KCTD16: variants seen among roughly 807,000 people sequenced by gnomAD.
KCTD16 encodes the protein BTB/POZ domain-containing protein KCTD16.
KCTD16 carries 13 observed loss-of-function variants against 33.2 expected under a neutral mutation model. The observed-to-expected ratio is 0.39, with a 90% CI of 0.25 to 0.62. The LOEUF (loss-of-function observed/expected upper bound fraction) is 0.62. Ranked by LOEUF, KCTD16 falls within the 20% of genes least tolerant of loss-of-function variation. The pLI is 0.50. For synonymous variants in KCTD16, 197 were observed against 195.3 expected, an observed-to-expected ratio of 1.01 and a Z score of -0.07; for missense variants, 441 against 525.1, an observed-to-expected ratio of 0.84 and a Z score of 1.57.
chr5:144,285,333 A>G (rs769978741), intron 3 of KCTD16, among the ~76,000 whole-genome samples: 1 of 152,222 alleles, frequency 6.6e-6, no homozygotes, highest in Non-Finnish European at 1.5e-5. Context: ...TGCCATATAG[A>G]GTAGTTGGCA....
chr5:144,424,497 T>TAAGG (rs1248523876), intron 3 of KCTD16, among the ~76,000 whole-genome samples: 42 of 152,142 alleles, frequency 2.8e-4, no homozygotes, highest in African/African-American at 9.2e-4. Context: ...CTTAAGCAGT[T>TAAGG]TGCACTGGCT....
intron 3 of KCTD16, among the ~76,000 whole-genome samples, chr5:144,394,754 TGAA>T (rs1422649545): frequency 3.9e-5 from 6 of 152,224 alleles, no homozygotes; most frequent in Admixed American, 3.9e-4. Context: ...TGCCACCATG[TGAA>T]GAAGGTCTTT....
intron 3 of KCTD16, among the ~76,000 whole-genome samples, chr5:144,321,346 G>C (rs777705826): frequency 1.3e-5 from 2 of 152,166 alleles, no homozygotes; most frequent in Non-Finnish European, 2.9e-5. Context: ...CCATTCTGCA[G>C]CATGATATCT....
At chr5:144,299,115 TATATATATATATATATATATATATATATA>T (rs1756152250) in intron 3 of KCTD16, among the ~76,000 whole-genome samples, 1 of 16,166 alleles carries the variant, frequency 6.2e-5, no homozygotes, top group African/African-American at 6.5e-4. Context: ...TATATATATA[TATATATATATATATATATATATATATATA>T]TATATTTTTT....
chr5:144,442,450 C>CTTCT (rs138864208), intron 3 of KCTD16, among the ~76,000 whole-genome samples: 3,360 of 147,854 alleles, frequency 0.023, 68 homozygotes, highest in African/African-American at 0.053. Context: ...TCTTTTCTTT[C>CTTCT]TTCTTTCTTT....
At chr5:144,303,512 G>T (rs1751502918) in intron 3 of KCTD16, among the ~76,000 whole-genome samples, 1 of 152,140 alleles carries the variant, frequency 6.6e-6, no homozygotes, top group Non-Finnish European at 1.5e-5. Context: ...AATGACCAAA[G>T]GTTCAGTCTC....
At chr5:144,190,720 T>A (rs1037777127) in intron 2 of KCTD16, among the ~76,000 whole-genome samples, 1 of 152,198 alleles carries the variant, frequency 6.6e-6, no homozygotes, top group African/African-American at 2.4e-5. Flanking sequence ...TAATTAATAT[T>A]CTATTTTATT....
chr5:144,398,855 A>G (rs7711811), intron 3 of KCTD16, among the ~76,000 whole-genome samples: 1,914 of 152,192 alleles, frequency 0.013, 38 homozygotes, highest in African/African-American at 0.044. Flanking sequence ...CAATGTAAAC[A>G]CCACTGTGCT....
intron 3 of KCTD16, among the ~76,000 whole-genome samples, chr5:144,249,994 A>G (rs1754653826): frequency 6.6e-6 from 1 of 152,218 alleles, no homozygotes; most frequent in Admixed American, 6.5e-5. Context: ...CCACTTTTAG[A>G]GCCAAATCAG....
chr5:144,316,420 T>C (rs548309836), intron 3 of KCTD16, among the ~76,000 whole-genome samples: 5 of 152,278 alleles, frequency 3.3e-5, no homozygotes, highest in African/African-American at 9.6e-5. Flanking sequence ...TCTTTCTTTC[T>C]ATGCCTCAGC....
chr5:144,303,844 T>C (rs1415290171), intron 3 of KCTD16, among the ~76,000 whole-genome samples: 1 of 152,134 alleles, frequency 6.6e-6, no homozygotes, highest in Admixed American at 6.5e-5. Flanking sequence ...TTAAATGCCA[T>C]TAGAGGCCTG....
chr5:144,399,504 T>A (rs1250402116), intron 3 of KCTD16, among the ~76,000 whole-genome samples: 1 of 152,122 alleles, frequency 6.6e-6, no homozygotes, highest in Admixed American at 6.6e-5. Flanking sequence ...TTGGCCGCCA[T>A]ATGAATTACA....
At position 144,481,341 on chromosome 5, in the gene KCTD16, T is replaced by C. The variant is rs575727885; in HGVS notation, c.*7227T>C. The C allele has an allele frequency of 1.3e-4, 20 of 152,050 alleles. No homozygotes were observed. Among genetic ancestry groups the C allele is most frequent in the African/African-American group, 3.9e-4 (16 of 41,524 alleles). The allele number at this position is 152,050 out of a possible 1,614,324, so 9.4% of individuals were successfully genotyped here. Reference sequence around the variant, plus strand: ...GTCTGTAACTGCTTATCATACCCTTTGTTACTTTGAGTTGAATATTCCCTC... The same window carrying C: ...GTCTGTAACTGCTTATCATACCCTTCGTTACTTTGAGTTGAATATTCCCTC... On this transcript the variant is annotated 3_prime_UTR_variant, in exon 4 of 4. Transcript: ENST00000512467.
intron 2 of KCTD16, among the ~76,000 whole-genome samples, chr5:144,186,351 T>TAAAA (rs1561522368): frequency 2.5e-5 from 3 of 121,780 alleles, no homozygotes; most frequent in African/African-American, 8.6e-5. Flanking sequence ...CTCATTTTTT[T>TAAAA]TAAAAAAAAA....
chr5:144,249,414 T>C (rs1006110316), intron 3 of KCTD16, among the ~76,000 whole-genome samples: 6 of 152,168 alleles, frequency 3.9e-5, no homozygotes, highest in African/African-American at 1.4e-4. Context: ...TCATTGATTG[T>C]CTCCTTCCCC....
chr5:144,285,203 G>C (rs1755711101), intron 3 of KCTD16, among the ~76,000 whole-genome samples: 2 of 152,228 alleles, frequency 1.3e-5, no homozygotes, highest in Non-Finnish European at 2.9e-5. Flanking sequence ...GCAAATGCCA[G>C]GGTGGCTGTT....
At chr5:144,237,573 A>T (rs1251818405) in intron 3 of KCTD16, among the ~76,000 whole-genome samples, 2 of 152,032 alleles carry the variant, frequency 1.3e-5, no homozygotes, top group African/African-American at 4.8e-5. Flanking sequence ...TTAGTACAGC[A>T]TTTCCTTCTT....
chr5:144,350,042 A>T (rs972544531), intron 3 of KCTD16, among the ~76,000 whole-genome samples: 3 of 152,202 alleles, frequency 2.0e-5, no homozygotes, highest in Non-Finnish European at 4.4e-5. Context: ...AAATATTTGA[A>T]CTTGAATCCT....
intron 3 of KCTD16, among the ~76,000 whole-genome samples, chr5:144,441,053 A>T (rs73299619): frequency 6.6e-6 from 1 of 151,886 alleles, no homozygotes; most frequent in Non-Finnish European, 1.5e-5. Context: ...TGATGTGTTT[A>T]TTGACTATCT....
Sources: allele counts gnomAD v4.1 joint callset (sites outside exome capture counted in the v4.1 genomes callset), GRCh38; gene constraint gnomAD v4.1.1; transcripts MANE v1.5; gene names NCBI Gene and HGNC (gene_info 2026-07-23, HGNC 2026-07-21).